Variants in RANBP17 observed in about 807,000 individuals in gnomAD.
RANBP17 encodes ran-binding protein 17.
RANBP17 carries 158 observed loss-of-function variants against 141.2 expected under a neutral mutation model. The ratio of observed to expected loss-of-function variants is 1.12; its 90% confidence interval spans 0.98 to 1.28. RANBP17 has a LOEUF of 1.28. Among genes scored for constraint, RANBP17 ranks in the 50% most tolerant of loss-of-function variants. The probability of loss-of-function intolerance (pLI) is 0.00; values close to 1 mark genes in which losing one functional copy is unlikely to be tolerated. For synonymous variants in RANBP17, 430 were observed against 450.0 expected, an observed-to-expected ratio of 0.96 and a Z score of 0.56; for missense variants, 1,438 against 1,290.7, an observed-to-expected ratio of 1.11 and a Z score of -1.75.
At chr5:170,880,420 T>C (rs142522917) in intron 2 of RANBP17, among the ~76,000 whole-genome samples, 39 of 152,344 alleles carry the variant, frequency 2.6e-4, no homozygotes, top group African/African-American at 9.4e-4. Context: ...TCTGCACATA[T>C]AACTTTGGCT....
intron 3 of RANBP17, among the ~76,000 whole-genome samples, chr5:170,890,655 T>TG (rs1279596477): frequency 6.6e-6 from 1 of 152,178 alleles, no homozygotes; most frequent in Non-Finnish European, 1.5e-5. Flanking sequence ...AAAGTGGAAA[T>TG]GGAGTTTTTT....
At chr5:171,276,276 G>C (rs1207623225) in intron 25 of RANBP17, among the ~76,000 whole-genome samples, 2 of 152,070 alleles carry the variant, frequency 1.3e-5, no homozygotes, top group Non-Finnish European at 2.9e-5. Flanking sequence ...TTTTAAATTA[G>C]CTTTTGAGTA....
Position 171,256,004 on chromosome 5 carries a change from AG to A in RANBP17, c.2777-9674del, listed in dbSNP as rs781300634. ...GACAGGAACCAGGAGGCTTGGGAAT[AG>A]GGAAAAAAGGAAATGTTGTATTATA... On this transcript the variant is annotated intron_variant, in intron 24 of 27. Coordinates refer to ENST00000523189, the MANE Select transcript of RANBP17 (RefSeq NM_022897.5). Among the ~76,000 whole-genome samples, 8 of 152,154 alleles carry A rather than the reference AG, an allele frequency of 5.3e-5. No homozygotes were observed. The South Asian group carries it at 6.2e-4, about 12-fold the overall frequency.
intron 18 of RANBP17, among the ~76,000 whole-genome samples, chr5:171,197,863 C>T (rs1762066127): frequency 6.6e-6 from 1 of 152,088 alleles, no homozygotes; most frequent in Admixed American, 6.5e-5. Flanking sequence ...ACGGTGAAAC[C>T]CCATCTCTAC....
At position 171,241,131 on chromosome 5, in the gene RANBP17, A is replaced by G. The variant is rs1416638137; in HGVS notation, c.2626A>G (p.Ser876Gly). 2.5e-6 allele frequency: 4 copies of G among 1,612,332 alleles called. No homozygotes were observed. The highest frequency in any genetic ancestry group is 2.2e-5 in the East Asian group (1 of 44,858). ...CAAAATGCTGCTGTCAGTGTCCCACAGTGACTTGCTAGTAAGCAATCATGC... is the reference window on the plus strand; with the variant it reads ...CAAAATGCTGCTGTCAGTGTCCCACGGTGACTTGCTAGTAAGCAATCATGC... ...FVKMLLSVSH[S>G]DLLQYRKLSQ... The change falls in exon 23 of 28, where the codon AGT (serine) becomes GGT (glycine). Residue 876 changes from serine to glycine, a missense_variant. Ser to Gly is a moderately conservative substitution (Grantham distance 56). Transcript: ENST00000523189.
chr5:171,206,389 T>G (rs1377692333), intron 20 of RANBP17: 1 of 153,418 alleles, frequency 6.5e-6, no homozygotes, highest in Non-Finnish European at 1.5e-5. Context: ...TGGCACATTT[T>G]TGGTAGTTGT....
intron 13 of RANBP17, among the ~76,000 whole-genome samples, chr5:170,964,607 C>A (rs1258407112): frequency 6.6e-6 from 1 of 152,068 alleles, no homozygotes; most frequent in African/African-American, 2.4e-5. Flanking sequence ...TCCATGTGTT[C>A]CCATTGTTCA....
At chr5:171,023,717 C>T (rs935221806) in intron 14 of RANBP17, among the ~76,000 whole-genome samples, 1 of 152,168 alleles carries the variant, frequency 6.6e-6, no homozygotes, top group Non-Finnish European at 1.5e-5. Flanking sequence ...AAGTCTGTGA[C>T]AATTCCAGAA....
chr5:171,257,378 C>T (rs961656091), intron 24 of RANBP17, among the ~76,000 whole-genome samples: 2 of 152,036 alleles, frequency 1.3e-5, no homozygotes, highest in Non-Finnish European at 2.9e-5. Flanking sequence ...TGACAAAAAC[C>T]CTCAACAAAC....
At chr5:170,919,637 G>T (rs1375324038) in intron 11 of RANBP17, 24 bp downstream of exon 11, 2 of 1,522,264 alleles carry the variant, frequency 1.3e-6, no homozygotes, top group African/African-American at 1.4e-5. Flanking sequence ...AAATGTTTTT[G>T]TTGTATTTCC....
chr5:171,122,012 C>G (rs1005515420), intron 14 of RANBP17, among the ~76,000 whole-genome samples: 1 of 152,226 alleles, frequency 6.6e-6, no homozygotes, highest in Non-Finnish European at 1.5e-5. Flanking sequence ...CTGTTGCATT[C>G]TCCTGTAGTA....
chr5:171,061,185 A>C (rs1009435087), intron 14 of RANBP17, among the ~76,000 whole-genome samples: 4 of 151,116 alleles, frequency 2.6e-5, no homozygotes, highest in South Asian at 2.1e-4. Flanking sequence ...GATTTTAGTT[A>C]TTTCTTGCCT....
chr5:171,293,959 G>A lies in RANBP17; in HGVS notation c.3020G>A (p.Gly1007Glu). 1 of 1,613,382 alleles carries A rather than the reference G, an allele frequency of 6.2e-7. No individual in the cohort carries two copies. The highest frequency in any genetic ancestry group is 8.5e-7 in the Non-Finnish European group (1 of 1,179,376). Residue 1007 changes from glycine to glutamate, a missense_variant, in exon 26 of 28, where the codon GGG becomes GAG. Coordinates refer to ENST00000523189, the MANE Select transcript of RANBP17 (RefSeq NM_022897.5). Reference sequence around the variant, plus strand: ...TGGTCAGTATCCAGGCCTCTCCTGGGGCTCATCCTGCTCAATGAGAAGGTG... The same window carrying A: ...TGGTCAGTATCCAGGCCTCTCCTGGAGCTCATCCTGCTCAATGAGAAGGTG... Reference protein sequence around the residue: ...NQWSVSRPLLGLILLNEKYFS... With the variant: ...NQWSVSRPLLELILLNEKYFS...
chr5:171,116,752 C>T (rs1755659954), intron 14 of RANBP17, among the ~76,000 whole-genome samples: 1 of 151,924 alleles, frequency 6.6e-6, no homozygotes, highest in Non-Finnish European at 1.5e-5. Context: ...GAATTTATTC[C>T]TCCTATCTAG....
intron 14 of RANBP17, among the ~76,000 whole-genome samples, chr5:171,130,822 G>T (rs989533709): frequency 6.6e-6 from 1 of 152,034 alleles, no homozygotes; most frequent in African/African-American, 2.4e-5. Context: ...TTGTATAATT[G>T]TATTACAAGT....
intron 14 of RANBP17, among the ~76,000 whole-genome samples, chr5:171,148,260 G>A (rs569409413): frequency 4.6e-5 from 7 of 152,272 alleles, no homozygotes; most frequent in Non-Finnish European, 7.3e-5. Flanking sequence ...GCGGAAGGCC[G>A]CAGGTTCCTC....
intron 14 of RANBP17, among the ~76,000 whole-genome samples, chr5:171,041,738 A>T (rs967973184): frequency 1.3e-5 from 2 of 151,976 alleles, no homozygotes; most frequent in African/African-American, 4.8e-5. Flanking sequence ...ACTTTTTTTT[A>T]AATTTAATAT....
chr5:170,899,632 C>G (rs942225362), intron 5 of RANBP17, among the ~76,000 whole-genome samples: 1 of 152,056 alleles, frequency 6.6e-6, no homozygotes, highest in Non-Finnish European at 1.5e-5. Flanking sequence ...TTTTGCCCAT[C>G]CAGTATGATA....
At chr5:171,118,180 T>G (rs568471602) in intron 14 of RANBP17, among the ~76,000 whole-genome samples, 21 of 152,022 alleles carry the variant, frequency 1.4e-4, no homozygotes, top group Non-Finnish European at 2.2e-4. Flanking sequence ...AAAGTGAGAG[T>G]TGGAGGTCTA....
Sources: allele counts gnomAD v4.1 joint callset (sites outside exome capture counted in the v4.1 genomes callset), GRCh38; gene constraint gnomAD v4.1.1; transcripts MANE v1.5; gene names NCBI Gene and HGNC (gene_info 2026-07-23, HGNC 2026-07-21).